Variants in CDH13 observed in about 807,000 individuals in gnomAD.
The protein encoded by CDH13 is cadherin 13.
Under a neutral mutation model 63.8 loss-of-function variants are expected in CDH13, and 24 were observed. That is an observed-to-expected ratio of 0.38 (90% CI 0.27 to 0.53). The LOEUF (loss-of-function observed/expected upper bound fraction) is 0.53, where lower values mean the gene tolerates loss of function less well. CDH13 is among the 20% of genes least tolerant of loss of function. CDH13 has a pLI of 0.85. For synonymous variants in CDH13, 503 were observed against 355.3 expected (o/e 1.42, Z -4.67); for missense variants, 1,049 against 903.1 (o/e 1.16, Z -2.07).
intron 1 of CDH13, among the ~76,000 whole-genome samples, chr16:82,751,822 A>T (rs1369527021): frequency 6.6e-6 from 1 of 152,118 alleles, no homozygotes; most frequent in Non-Finnish European, 1.5e-5. Context: ...TTAGTTTATC[A>T]GCACACAGTG....
At chr16:82,972,967 A>T (rs1461470370) in intron 2 of CDH13, among the ~76,000 whole-genome samples, 3 of 152,134 alleles carry the variant, frequency 2.0e-5, no homozygotes, top group Non-Finnish European at 4.4e-5. Context: ...GTTCAAAACC[A>T]TTACTTTAAT....
intron 1 of CDH13, among the ~76,000 whole-genome samples, chr16:82,775,860 C>T (rs896600680): frequency 7.9e-5 from 12 of 152,120 alleles, no homozygotes; most frequent in Admixed American, 4.6e-4. Flanking sequence ...GCTTAGGATG[C>T]ATACTGATGG....
At chr16:82,754,647 GT>G (rs991952223) in intron 1 of CDH13, among the ~76,000 whole-genome samples, 1 of 152,142 alleles carries the variant, frequency 6.6e-6, no homozygotes, top group African/African-American at 2.4e-5. Context: ...CAATATTATA[GT>G]TTTATTTATC....
At chr16:83,387,035 C>T (rs1407395431) in intron 6 of CDH13, among the ~76,000 whole-genome samples, 2 of 152,102 alleles carry the variant, frequency 1.3e-5, no homozygotes, top group Non-Finnish European at 2.9e-5. Context: ...TCCTTAGTGA[C>T]AAGGGAAGTT....
intron 1 of CDH13, among the ~76,000 whole-genome samples, chr16:82,648,713 C>T (rs1481266075): frequency 6.6e-6 from 1 of 151,814 alleles, no homozygotes; most frequent in Non-Finnish European, 1.5e-5. Context: ...TCCATTGATA[C>T]ACTTGCGTTA....
intron 10 of CDH13, among the ~76,000 whole-genome samples, chr16:83,694,344 T>G (rs1905176831): frequency 6.6e-6 from 1 of 152,150 alleles, no homozygotes; most frequent in Admixed American, 6.5e-5. Context: ...TGGGAGAGAA[T>G]GGGAGTGGGT....
intron 3 of CDH13, among the ~76,000 whole-genome samples, chr16:83,086,397 G>A (rs916950223): frequency 2.6e-5 from 4 of 152,192 alleles, no homozygotes; most frequent in African/African-American, 9.7e-5. Context: ...TGTAAAAGGG[G>A]ATAATTCCTT....
At chr16:83,104,641 A>T (rs200462983) in intron 3 of CDH13, among the ~76,000 whole-genome samples, 6 of 152,036 alleles carry the variant, frequency 3.9e-5, no homozygotes, top group African/African-American at 1.5e-4. Flanking sequence ...GGGCGGGGGA[A>T]ATAGTGTAAT....
At chr16:82,843,839 G>C (rs184065429) in intron 1 of CDH13, among the ~76,000 whole-genome samples, 4 of 152,202 alleles carry the variant, frequency 2.6e-5, no homozygotes, top group Non-Finnish European at 4.4e-5. Context: ...TAGTCTAATT[G>C]TTCAATTGAC....
chr16:82,754,909 T>G (rs2034556802), intron 1 of CDH13, among the ~76,000 whole-genome samples: 1 of 152,198 alleles, frequency 6.6e-6, no homozygotes, highest in African/African-American at 2.4e-5. Flanking sequence ...ATTACTAGGT[T>G]TCTATAATTG....
intron 4 of CDH13, among the ~76,000 whole-genome samples, chr16:83,163,549 G>C (rs183471940): frequency 1.3e-5 from 2 of 152,058 alleles, no homozygotes; most frequent in Admixed American, 6.6e-5. Flanking sequence ...GTCCAGCCCC[G>C]TTCCTCCTGG....
chr16:82,746,593 T>A (rs1339418518), intron 1 of CDH13, among the ~76,000 whole-genome samples: 1 of 152,120 alleles, frequency 6.6e-6, no homozygotes, highest in Admixed American at 6.6e-5. Flanking sequence ...ATGAATAAAG[T>A]ACATTTTTAT....
chr16:83,506,045 A>G (rs964696423), intron 7 of CDH13, among the ~76,000 whole-genome samples: 5 of 152,214 alleles, frequency 3.3e-5, no homozygotes, highest in African/African-American at 1.2e-4. Flanking sequence ...ATTCACACCC[A>G]GGTCAGTGTA....
At chr16:82,766,709 C>T (rs970666652) in intron 1 of CDH13, among the ~76,000 whole-genome samples, 1 of 152,120 alleles carries the variant, frequency 6.6e-6, no homozygotes, top group Non-Finnish European at 1.5e-5. Context: ...ATATCATTAT[C>T]CAAATAAATA....
intron 7 of CDH13, among the ~76,000 whole-genome samples, chr16:83,542,499 G>A (rs535233429): frequency 1.3e-5 from 2 of 152,160 alleles, no homozygotes; most frequent in South Asian, 2.1e-4. Context: ...AGGTGCATTC[G>A]TTTGCAACGG....
intron 8 of CDH13, among the ~76,000 whole-genome samples, chr16:83,644,651 G>A (rs1050178547): frequency 6.6e-6 from 1 of 152,190 alleles, no homozygotes; most frequent in East Asian, 1.9e-4. Flanking sequence ...CAAATGGGCT[G>A]CCATACAGAG....
intron 6 of CDH13, among the ~76,000 whole-genome samples, chr16:83,439,425 G>C (rs759894142): frequency 3.5e-4 from 53 of 152,300 alleles, no homozygotes; most frequent in Non-Finnish European, 5.6e-4. Context: ...TGTTAGAAAA[G>C]ACATATAATT....
intron 6 of CDH13, among the ~76,000 whole-genome samples, chr16:83,464,588 G>T (rs1262873009): frequency 1.3e-5 from 2 of 152,074 alleles, no homozygotes; most frequent in African/African-American, 2.4e-5. Context: ...TTGAACTCCT[G>T]ACCTCAGGTG....
chr16:83,380,805 T>C (rs1163965485), intron 6 of CDH13, among the ~76,000 whole-genome samples: 2 of 151,480 alleles, frequency 1.3e-5, no homozygotes, highest in African/African-American at 2.4e-5. Flanking sequence ...GAGAATATCA[T>C]GTTTCATTAG....
Sources: allele counts gnomAD v4.1 joint callset (sites outside exome capture counted in the v4.1 genomes callset), GRCh38; gene constraint gnomAD v4.1.1; transcripts MANE v1.5; gene names NCBI Gene and HGNC (gene_info 2026-07-23, HGNC 2026-07-21).